Variants in GRID1 observed in about 807,000 individuals in gnomAD.
GRID1 encodes the protein glutamate ionotropic receptor delta type subunit 1, also known as glutamate receptor ionotropic, delta-1.
GRID1 carries 28 observed loss-of-function variants against 98.0 expected under a neutral mutation model. That is an observed-to-expected ratio of 0.29 (90% CI 0.21 to 0.39). GRID1 has a LOEUF of 0.39. Ranked by LOEUF, GRID1 falls within the 10% of genes least tolerant of loss-of-function variation. The pLI is 1.00. For missense variants in GRID1, 1,111 were observed against 1,340.5 expected, an observed-to-expected ratio of 0.83 and a Z score of 2.67; for synonymous variants, 553 against 538.5, an observed-to-expected ratio of 1.03 and a Z score of -0.37.
At chr10:86,200,544 C>T (rs1225011503) in intron 3 of GRID1, among the ~76,000 whole-genome samples, 1 of 152,084 alleles carries the variant, frequency 6.6e-6, no homozygotes, top group Non-Finnish European at 1.5e-5. Context: ...ATCTGCCCTC[C>T]ATATAGAGAG....
chr10:86,251,500 C>T (rs895697456), intron 2 of GRID1, among the ~76,000 whole-genome samples: 3 of 152,288 alleles, frequency 2.0e-5, no homozygotes, highest in African/African-American at 7.2e-5. Context: ...GTCCCTCAAG[C>T]CTTGCAGGGC....
intron 8 of GRID1, among the ~76,000 whole-genome samples, chr10:85,774,549 T>A (rs528450646): frequency 6.6e-6 from 1 of 151,544 alleles, no homozygotes; most frequent in South Asian, 2.1e-4. Context: ...ACCTACAACA[T>A]GGGAGAAAAT....
intron 4 of GRID1, among the ~76,000 whole-genome samples, chr10:86,094,867 A>C: frequency 6.6e-6 from 1 of 152,190 alleles, no homozygotes; most frequent in East Asian, 1.9e-4. Context: ...TGTGGAACCA[A>C]AAAAGAGTCC....
chr10:86,124,875 C>T (rs1393478791), intron 4 of GRID1, among the ~76,000 whole-genome samples: 2 of 152,180 alleles, frequency 1.3e-5, no homozygotes, highest in African/African-American at 4.8e-5. Context: ...TAGTCCCAGG[C>T]TCTGGAGAGC....
At chr10:86,284,202 A>T (rs1277006635) in intron 2 of GRID1, among the ~76,000 whole-genome samples, 1 of 151,734 alleles carries the variant, frequency 6.6e-6, no homozygotes, top group African/African-American at 2.4e-5. Context: ...GCCCTCATAC[A>T]CACACCTGCA....
intron 4 of GRID1, among the ~76,000 whole-genome samples, chr10:85,926,508 T>C (rs568449336): frequency 1.1e-4 from 17 of 152,226 alleles, no homozygotes; most frequent in Admixed American, 3.9e-4. Flanking sequence ...AAGAGCTTAG[T>C]TTTTCCCCAA....
chr10:86,134,286 C>A (rs1246228810), intron 4 of GRID1, among the ~76,000 whole-genome samples: 1 of 152,250 alleles, frequency 6.6e-6, no homozygotes, highest in African/African-American at 2.4e-5. Context: ...GTTCCTCATC[C>A]ATAGGAGGCT....
intron 3 of GRID1, among the ~76,000 whole-genome samples, chr10:86,140,918 A>C (rs554624217): frequency 1.0e-3 from 157 of 152,312 alleles, no homozygotes; most frequent in African/African-American, 3.6e-3. Flanking sequence ...GCACAGCAGC[A>C]TACAAATGAG....
chr10:86,109,483 C>T (rs1844444290), intron 4 of GRID1, among the ~76,000 whole-genome samples: 1 of 152,222 alleles, frequency 6.6e-6, no homozygotes, highest in African/African-American at 2.4e-5. Context: ...AAACAGGGCT[C>T]TCTCCAAGCC....
chr10:86,042,061 G>C (rs1843354057), intron 4 of GRID1, among the ~76,000 whole-genome samples: 1 of 152,142 alleles, frequency 6.6e-6, no homozygotes, highest in Non-Finnish European at 1.5e-5. Context: ...GCTGAAAGAG[G>C]AACAGGTCCA....
intron 4 of GRID1, among the ~76,000 whole-genome samples, chr10:86,082,888 C>T (rs899221705): frequency 4.6e-5 from 7 of 152,180 alleles, no homozygotes; most frequent in African/African-American, 1.7e-4. Flanking sequence ...AGTGTGTTCC[C>T]AGCAGGCAAG....
At chr10:86,048,586 CAT>C in intron 4 of GRID1, among the ~76,000 whole-genome samples, 1 of 152,172 alleles carries the variant, frequency 6.6e-6, no homozygotes, top group African/African-American at 2.4e-5. Context: ...AGCCCCAGCA[CAT>C]GAGGCTCATG....
intron 4 of GRID1, among the ~76,000 whole-genome samples, chr10:86,047,292 G>C (rs1179743628): frequency 6.6e-6 from 1 of 152,192 alleles, no homozygotes; most frequent in Non-Finnish European, 1.5e-5. Flanking sequence ...CACAAGTGTG[G>C]AGCAGAGCCA....
At position 85,604,828 on chromosome 10, in the gene GRID1, T is replaced by C. The variant is rs115998805; in HGVS notation, c.2602-2127A>G. The stretch of plus-strand genomic sequence containing the variant: ...TATTTTATAACCGTTATACAGTGTG[T>C]TAGTGGCTTAGCGCCACTCAGCATC... On this transcript the variant is annotated intron_variant, in intron 15 of 15. Coordinates refer to ENST00000327946, the MANE Select transcript of GRID1 (RefSeq NM_017551.3). Among the ~76,000 whole-genome samples, 675 of 152,346 alleles carry C rather than the reference T, an allele frequency of 4.4e-3. 8 individuals carry two copies. The highest frequency in any genetic ancestry group is 0.016 in the African/African-American group (645 of 41,584).
chr10:86,315,758 T>C (rs1310356196), intron 2 of GRID1, among the ~76,000 whole-genome samples: 2 of 151,710 alleles, frequency 1.3e-5, no homozygotes, highest in African/African-American at 4.8e-5. Flanking sequence ...CATCCATCTA[T>C]CTACTCCCAC....
intron 4 of GRID1, among the ~76,000 whole-genome samples, chr10:85,955,837 G>A (rs1273981208): frequency 6.6e-6 from 1 of 152,144 alleles, no homozygotes; most frequent in Non-Finnish European, 1.5e-5. Context: ...CCTAGAGTGG[G>A]ACTCTTCCCC....
At chr10:86,256,352 C>A (rs953865898) in intron 2 of GRID1, among the ~76,000 whole-genome samples, 3 of 152,214 alleles carry the variant, frequency 2.0e-5, no homozygotes, top group Non-Finnish European at 4.4e-5. Context: ...GTAATCCCAG[C>A]ATTTCAGGAG....
chr10:85,893,468 T>A (rs35450322), intron 5 of GRID1, among the ~76,000 whole-genome samples: 1 of 152,002 alleles, frequency 6.6e-6, no homozygotes. Flanking sequence ...GGCATGATAG[T>A]CTATATCGAA....
Position 85,970,569 on chromosome 10 carries a change from C to T in GRID1, c.727-54330G>A, listed in dbSNP as rs199736187. ...AGTTAACAGAATAAAGGACAAAAAA[C>T]ATATGATTATCTTTACAGATGCAGA... On this transcript the variant is annotated intron_variant, in intron 4 of 15. Transcript: ENST00000327946. Among the ~76,000 whole-genome samples the T allele has an allele frequency of 2.6e-5, 4 of 152,104 alleles. No homozygotes were observed. The East Asian group carries it at 7.7e-4, about 29-fold the overall frequency.
Sources: allele counts gnomAD v4.1 joint callset (sites outside exome capture counted in the v4.1 genomes callset), GRCh38; gene constraint gnomAD v4.1.1; transcripts MANE v1.5; gene names NCBI Gene and HGNC (gene_info 2026-07-23, HGNC 2026-07-21).